LRRC58: variants seen among roughly 807,000 people sequenced by gnomAD.
The protein encoded by LRRC58 is leucine-rich repeat-containing protein 58.
LRRC58 carries 18 observed loss-of-function variants against 30.6 expected under a neutral mutation model. The ratio of observed to expected loss-of-function variants is 0.59; its 90% CI spans 0.41 to 0.87. The LOEUF is 0.87. Ranked by LOEUF, LRRC58 falls within the 40% of genes least tolerant of loss-of-function variation. The pLI, the probability that LRRC58 is intolerant of heterozygous loss-of-function variation, is 0.00. For missense variants in LRRC58, 420 were observed against 468.4 expected (o/e 0.90, Z 0.95); for synonymous variants, 221 against 206.0 (o/e 1.07, Z -0.62).
intron 1 of LRRC58, among the ~76,000 whole-genome samples, chr3:120,341,542 C>A (rs1935904298): frequency 6.6e-6 from 1 of 152,090 alleles, no homozygotes; most frequent in African/African-American, 2.4e-5. Context: ...ATGTTGAAAC[C>A]CTAACTCCTT....
intron 1 of LRRC58, 38 bp downstream of exon 1, chr3:120,348,706 C>T (rs1405578405): frequency 2.7e-6 from 4 of 1,502,812 alleles, no homozygotes; most frequent in Non-Finnish European, 3.6e-6. Context: ...CCGGACACCG[C>T]CCGAGGCCTC....
chr3:120,338,401 T>C (rs1301809441), intron 1 of LRRC58, among the ~76,000 whole-genome samples: 4 of 152,212 alleles, frequency 2.6e-5, no homozygotes, highest in East Asian at 1.9e-4. Context: ...TTCTAGGGAA[T>C]AGAATGTAAA....
intron 3 of LRRC58, among the ~76,000 whole-genome samples, chr3:120,334,114 T>C (rs1337098642): frequency 6.6e-6 from 1 of 152,230 alleles, no homozygotes; most frequent in African/African-American, 2.4e-5. Context: ...AAGTTTTGGG[T>C]ACATTCTGTA....
intron 3 of LRRC58, among the ~76,000 whole-genome samples, chr3:120,333,932 A>G (rs533742216): frequency 6.6e-6 from 1 of 152,268 alleles, no homozygotes; most frequent in Non-Finnish European, 1.5e-5. Context: ...TACCTCAAGA[A>G]TTAGCTCATT....
chr3:120,333,768 A>G (rs756382849), intron 3 of LRRC58, among the ~76,000 whole-genome samples: 1 of 152,096 alleles, frequency 6.6e-6, no homozygotes. Flanking sequence ...CCAGGACTCA[A>G]TGTAGCTTTT....
At chr3:120,345,782 G>A (rs962685108) in intron 1 of LRRC58, among the ~76,000 whole-genome samples, 5 of 152,158 alleles carry the variant, frequency 3.3e-5, no homozygotes, top group African/African-American at 4.8e-5. Flanking sequence ...AATAAGGCAC[G>A]CAAGTGAAAA....
intron 1 of LRRC58, among the ~76,000 whole-genome samples, chr3:120,348,218 C>T (rs1247681002): frequency 1.3e-5 from 2 of 152,158 alleles, no homozygotes; most frequent in East Asian, 3.8e-4. Context: ...ATACTGAGTG[C>T]CTACCAGCAA....
At chr3:120,345,079 T>C (rs988917279) in intron 1 of LRRC58, among the ~76,000 whole-genome samples, 3 of 151,782 alleles carry the variant, frequency 2.0e-5, no homozygotes, top group Non-Finnish European at 2.9e-5. Context: ...CATCTACTTA[T>C]TTGTTATACT....
intron 1 of LRRC58, among the ~76,000 whole-genome samples, chr3:120,338,274 T>C (rs76192474): frequency 0.05 from 7,591 of 152,320 alleles, 249 homozygotes; most frequent in East Asian, 0.093. Flanking sequence ...GTATAAAAAT[T>C]TGGATCAGTT....
rs1176929636 is a variant in LRRC58, at chr3:120,339,243, A to T, written c.501-3290T>A. On this transcript the variant is annotated intron_variant, in intron 1 of 3. Coordinates refer to ENST00000295628, the MANE Select transcript of LRRC58 (RefSeq NM_001099678.2). ...ATTTTGCCAGGAGTTACCCCCTTCA[A>T]TTTTCGTTGTACTCTCTCAGTCTCA... Among the ~76,000 whole-genome samples the T allele has an allele frequency of 3.3e-5, 5 of 151,808 alleles. 1 individual carries two copies. The highest frequency in any genetic ancestry group is 1.2e-4 in the African/African-American group (5 of 41,372).
At chr3:120,342,546 A>T (rs900475055) in intron 1 of LRRC58, among the ~76,000 whole-genome samples, 27 of 152,104 alleles carry the variant, frequency 1.8e-4, no homozygotes, top group African/African-American at 6.5e-4. Context: ...TATCCGAATG[A>T]CTTGCTTGAG....
At chr3:120,342,829 G>C (rs1251056061) in intron 1 of LRRC58, among the ~76,000 whole-genome samples, 1 of 152,196 alleles carries the variant, frequency 6.6e-6, no homozygotes, top group Non-Finnish European at 1.5e-5. Flanking sequence ...GAAGACTGCA[G>C]TCTATGAACC....
chr3:120,332,395 T>C lies in LRRC58; in HGVS notation c.908-987A>G, dbSNP rs142060074. On this transcript the variant is annotated intron_variant, in intron 3 of 3. Coordinates refer to ENST00000295628, the MANE Select transcript of LRRC58 (RefSeq NM_001099678.2). ...ATATCTCAACTAACCATGTAGTTTT[T>C]TTTTGATCTTGTAGTAAGTATAAAA... is the stretch of plus-strand genomic sequence containing the variant. Among the ~76,000 whole-genome samples, 521 of 152,384 alleles carry C rather than the reference T, an allele frequency of 3.4e-3. 1 individual carries two copies. The highest frequency in any genetic ancestry group is 6.8e-3 in the Middle Eastern group (2 of 294).
At chr3:120,344,637 G>C (rs1204840858) in intron 1 of LRRC58, among the ~76,000 whole-genome samples, 1 of 152,142 alleles carries the variant, frequency 6.6e-6, no homozygotes, top group Non-Finnish European at 1.5e-5. Flanking sequence ...GAAAAAGGAA[G>C]GCATTACTTA....
chr3:120,341,574 G>T (rs1188212023), intron 1 of LRRC58, among the ~76,000 whole-genome samples: 4 of 152,142 alleles, frequency 2.6e-5, no homozygotes, highest in African/African-American at 7.2e-5. Context: ...ATTAAGAAGT[G>T]GGGTATTTGG....
chr3:120,336,077 T>C, intron 1 of LRRC58, 124 bp from the exon 2 acceptor site: 1 of 688,818 alleles, frequency 1.5e-6, no homozygotes. Flanking sequence ...AGATTTGCTA[T>C]GTGCTATCCA....
In LRRC58 at chr3:120,328,167, C is replaced by CT. The variant is rs1935707853; in HGVS notation, c.*3032_*3033insA. 2 of 152,182 alleles carry CT rather than the reference C, an allele frequency of 1.3e-5. No homozygotes were observed. Among genetic ancestry groups the CT allele is most frequent in the African/African-American group, 2.4e-5 (1 of 41,444 alleles). 9.4% of individuals were successfully genotyped at this position (152,182 alleles called of 1,614,324 possible). ...CGCCTTTGGATTTACCTCCACTACT[C>CT]AAATACTAGAATACTGAGGACCGTA... On this transcript the variant is annotated 3_prime_UTR_variant, in exon 4 of 4. Transcript: ENST00000295628.
Position 120,330,987 on chromosome 3 carries a change from T to C in LRRC58, c.*213A>G, listed in dbSNP as rs1217520249. 7.4e-6 allele frequency: 4 copies of C among 544,086 alleles called. No individual in the cohort carries two copies. The highest frequency in any genetic ancestry group is 3.2e-5 in the Admixed American group (1 of 31,072). The allele number at this position is 544,086 out of a possible 1,614,324, so 33.7% of individuals were successfully genotyped here. On this transcript the variant is annotated 3_prime_UTR_variant, in exon 4 of 4. Coordinates refer to ENST00000295628, the MANE Select transcript of LRRC58 (RefSeq NM_001099678.2). ...AAACCATCAGCCAAATGTGAAACTATCATTCACAAATTATGTTAAAATAAT... is the reference window on the plus strand; with the variant it reads ...AAACCATCAGCCAAATGTGAAACTACCATTCACAAATTATGTTAAAATAAT...
Position 120,332,275 on chromosome 3 carries a change from C to T in LRRC58, c.908-867G>A, listed in dbSNP as rs369424604. Among the ~76,000 whole-genome samples, 6 of 152,278 alleles carry T rather than the reference C, an allele frequency of 3.9e-5. No individual in the cohort carries two copies. The East Asian group carries it at 1.2e-3, about 29-fold the overall frequency. On this transcript the variant is annotated intron_variant, in intron 3 of 3. Coordinates refer to ENST00000295628, the MANE Select transcript of LRRC58 (RefSeq NM_001099678.2). ...TACTCTGCCTAAGTTTCTTCTGGCACCAAATACTGTGTGTTTATCACATAA... is the reference window on the plus strand; with the variant it reads ...TACTCTGCCTAAGTTTCTTCTGGCATCAAATACTGTGTGTTTATCACATAA...
Sources: gnomAD v4.1 joint callset for allele counts (sites outside exome capture counted in the v4.1 genomes callset) on GRCh38, gnomAD v4.1.1 for gene constraint, MANE v1.5 for transcripts, NCBI Gene and HGNC (gene_info 2026-07-23, HGNC 2026-07-21) for gene names.